Variants in ZNF536 observed in about 807,000 individuals in gnomAD.
ZNF536 encodes zinc finger protein 536.
Under a neutral mutation model 84.5 loss-of-function variants are expected in ZNF536, and 13 were observed. That is an observed-to-expected ratio of 0.15 (90% confidence interval 0.10 to 0.24). ZNF536 has a LOEUF of 0.24. Among genes scored for constraint, ZNF536 ranks in the 10% least tolerant of loss-of-function variants. The pLI, the probability that ZNF536 is intolerant of heterozygous loss-of-function variation, is 1.00. For synonymous variants in ZNF536, 811 were observed against 742.5 expected (o/e 1.09, Z -1.50); for missense variants, 1,536 against 1,747.5 (o/e 0.88, Z 2.16).
At chr19:30,321,240 C>G (rs1041173462) in intron 2 of ZNF536, among the ~76,000 whole-genome samples, 15 of 152,208 alleles carry the variant, frequency 9.9e-5, no homozygotes, top group Non-Finnish European at 1.9e-4. Flanking sequence ...CCTACAACTG[C>G]CCTCACCATG....
intron 2 of ZNF536, among the ~76,000 whole-genome samples, chr19:30,532,034 T>C (rs2044848994): frequency 6.6e-6 from 1 of 152,170 alleles, no homozygotes; most frequent in African/African-American, 2.4e-5. Flanking sequence ...AGTGGCTCCT[T>C]GCTACTGCTC....
intron 1 of ZNF536, among the ~76,000 whole-genome samples, chr19:30,379,666 G>A (rs1352228091): frequency 1.3e-5 from 2 of 151,616 alleles, no homozygotes; most frequent in Admixed American, 6.6e-5. Flanking sequence ...TGCGGTGGGA[G>A]GTGGGACGAT....
chr19:30,686,795 C>G (rs1259017539), intron 1 of ZNF536, among the ~76,000 whole-genome samples: 2 of 152,138 alleles, frequency 1.3e-5, no homozygotes, highest in Non-Finnish European at 1.5e-5. Flanking sequence ...CCCACTCCCC[C>G]CATCCAGTAA....
At chr19:30,593,171 C>G (rs1392043611) in intron 1 of ZNF536, among the ~76,000 whole-genome samples, 1 of 152,162 alleles carries the variant, frequency 6.6e-6, no homozygotes, top group Non-Finnish European at 1.5e-5. Flanking sequence ...CGGCCTCTTT[C>G]TCGCTGCTCT....
intron 1 of ZNF536, among the ~76,000 whole-genome samples, chr19:30,635,358 A>G (rs1555821258): frequency 6.6e-6 from 1 of 152,064 alleles, no homozygotes; most frequent in Non-Finnish European, 1.5e-5. Flanking sequence ...ATTTATTTGG[A>G]TTTTGTGGTT....
chr19:30,422,259 A>G (rs575607800), intron 1 of ZNF536, among the ~76,000 whole-genome samples: 198 of 152,290 alleles, frequency 1.3e-3, no homozygotes, highest in African/African-American at 4.1e-3. Flanking sequence ...CCTGAAGACA[A>G]GACATATTGA....
rs188702446 is a variant in ZNF536, at chr19:30,548,373, G to T, written c.2754G>T (p.Leu918Phe). Reference sequence around the variant, plus strand: ...ACGGTGTGAATTTCCAAGGGTCCTTGCAAGCTTTCATGGACAGTTTTGTCC... The same window carrying T: ...ACGGTGTGAATTTCCAAGGGTCCTTTCAAGCTTTCATGGACAGTTTTGTCC... Reference protein sequence around the residue: ...VSNGVNFQGSLQAFMDSFVLS... With the variant: ...VSNGVNFQGSFQAFMDSFVLS... Residue 918 changes from leucine (L) to phenylalanine (F), a missense_variant, in exon 4 of 5, where the codon TTG (leucine) becomes TTT (phenylalanine). Around this residue, in one of 8 missense-constraint regions of ZNF536, gnomAD observed 624 missense variants for 603.1 expected, o/e 1.03. Coordinates refer to ENST00000355537, the MANE Select transcript of ZNF536 (RefSeq NM_014717.3). 9 of 1,614,140 alleles carry T rather than the reference G, an allele frequency of 5.6e-6. No individual in the cohort carries two copies. Among genetic ancestry groups the T allele is most frequent in the South Asian group, 2.2e-5 (2 of 91,084 alleles).
intron 1 of ZNF536, among the ~76,000 whole-genome samples, chr19:30,417,045 C>T (rs1316583097): frequency 6.6e-6 from 1 of 151,936 alleles, no homozygotes; most frequent in African/African-American, 2.4e-5. Context: ...ACAATCTTGG[C>T]TCACTGCAGC....
chr19:30,307,837 G>A (rs2046386174), intron 2 of ZNF536, among the ~76,000 whole-genome samples: 2 of 152,146 alleles, frequency 1.3e-5, no homozygotes, highest in South Asian at 4.2e-4. Context: ...AGCTTTTAGC[G>A]AGTTGCTCTT....
At position 30,464,652 on chromosome 19, in the gene ZNF536, G is replaced by T. The variant is rs530527999; in HGVS notation, c.2170+18920G>T. Among the ~76,000 whole-genome samples the T allele has an allele frequency of 3.3e-5, 5 of 151,996 alleles. No homozygotes were observed. In the South Asian group the frequency reaches 1.0e-3, roughly 32 times the overall value. ...CATTGGGGTCAATGGTCCTTTTTTGGTTAGTGGTTGATGACACGCTGTCAT... is the reference window on the plus strand; with the variant it reads ...CATTGGGGTCAATGGTCCTTTTTTGTTTAGTGGTTGATGACACGCTGTCAT... On this transcript the variant is annotated intron_variant, in intron 2 of 4. Coordinates refer to ENST00000355537, the MANE Select transcript of ZNF536 (RefSeq NM_014717.3).
intron 1 of ZNF536, among the ~76,000 whole-genome samples, chr19:30,239,243 C>T (rs968748194): frequency 2.0e-5 from 3 of 152,126 alleles, no homozygotes; most frequent in African/African-American, 7.2e-5. Flanking sequence ...TATTGAGTGC[C>T]TATTAGACAG....
At chr19:30,454,693 T>G (rs985481865) in intron 2 of ZNF536, among the ~76,000 whole-genome samples, 1 of 152,226 alleles carries the variant, frequency 6.6e-6, no homozygotes, top group Non-Finnish European at 1.5e-5. Context: ...CGTCTCTGGC[T>G]GGGGCCAGAC....
intron 1 of ZNF536, among the ~76,000 whole-genome samples, chr19:30,378,991 G>A (rs1056734260): frequency 4.6e-5 from 7 of 152,302 alleles, no homozygotes; most frequent in African/African-American, 1.7e-4. Context: ...AAGGAGTGTG[G>A]GGAGGGGGTG....
In ZNF536 at chr19:30,326,568, G is replaced by A. The variant is rs1263069941; in HGVS notation, c.-119-25800G>A. 5.3e-5 allele frequency among the ~76,000 whole-genome samples: 8 copies of A among 152,198 alleles called. No homozygotes were observed. In the East Asian group the frequency reaches 1.4e-3, roughly 26 times the overall value. ...CTTTCTGAGGAGAGGGCCAGGGGAT[G>A]GTGACTGCCCCCGACGCATAGGTGG... On this transcript the variant is annotated intron_variant, in intron 2 of 5. Transcript: ENST00000585628.
intron 1 of ZNF536, among the ~76,000 whole-genome samples, chr19:30,387,575 T>A (rs1486766892): frequency 6.6e-6 from 1 of 152,204 alleles, no homozygotes; most frequent in Non-Finnish European, 1.5e-5. Flanking sequence ...GAGGCCGTTT[T>A]TCACCCACAC....
intron 2 of ZNF536, among the ~76,000 whole-genome samples, chr19:30,307,186 C>T (rs1428146208): frequency 1.3e-5 from 2 of 151,816 alleles, no homozygotes; most frequent in African/African-American, 2.4e-5. Flanking sequence ...CAATTAGTCC[C>T]CTCACATATA....
chr19:30,244,594 T>C (rs1185338789), intron 1 of ZNF536, among the ~76,000 whole-genome samples: 1 of 152,246 alleles, frequency 6.6e-6, no homozygotes, highest in African/African-American at 2.4e-5. Context: ...GAAACTCAGA[T>C]GTCTGCCTGC....
chr19:30,489,179 C>A (rs778348874), intron 2 of ZNF536, among the ~76,000 whole-genome samples: 1 of 152,146 alleles, frequency 6.6e-6, no homozygotes, highest in Non-Finnish European at 1.5e-5. Context: ...TCCTGGGGAG[C>A]TCAATTCAAC....
intron 1 of ZNF536, among the ~76,000 whole-genome samples, chr19:30,245,655 A>G (rs1458026654): frequency 1.3e-5 from 2 of 152,216 alleles, no homozygotes; most frequent in Non-Finnish European, 2.9e-5. Context: ...TGCAGAAAGA[A>G]GGTTGTCTCT....
Sources: allele counts gnomAD v4.1 joint callset (sites outside exome capture counted in the v4.1 genomes callset), GRCh38; gene constraint gnomAD v4.1.1; regional missense constraint gnomAD v4.1.1; transcripts MANE v1.5; gene names NCBI Gene and HGNC (gene_info 2026-07-23, HGNC 2026-07-21).